The following ASAP1 variants were observed in gnomAD, a reference collection of about 807,000 sequenced individuals.
ASAP1 encodes the protein ArfGAP with SH3 domain, ankyrin repeat and PH domain 1, also known as arf-GAP with SH3 domain, ANK repeat and PH domain-containing protein 1.
A neutral mutation model predicts 145.2 loss-of-function variants in ASAP1; 43 were observed. The ratio of observed to expected loss-of-function variants is 0.30; its 90% confidence interval spans 0.23 to 0.38. ASAP1 has a LOEUF of 0.38. ASAP1 is among the 10% of genes least tolerant of loss of function. ASAP1 has a pLI of 1.00. For synonymous variants in ASAP1, 546 were observed against 515.5 expected (o/e 1.06, Z -0.80); for missense variants, 1,018 against 1,355.3 (o/e 0.75, Z 3.91).
At chr8:130,061,271 T>A (rs1033588571) in intron 27 of ASAP1, among the ~76,000 whole-genome samples, 1 of 152,180 alleles carries the variant, frequency 6.6e-6, no homozygotes, top group Non-Finnish European at 1.5e-5. Flanking sequence ...TTCATGATTT[T>A]ATGCTTCAAT....
rs555357221 is a variant in ASAP1, at chr8:130,188,011, A to G, written c.480+98T>C. 1.4e-4 allele frequency: 121 copies of G among 861,370 alleles called. No individual in the cohort carries two copies. In the African/African-American group the frequency reaches 1.9e-3, roughly 14 times the overall value. 53.4% of individuals were successfully genotyped at this position (861,370 alleles called of 1,614,324 possible). ...CATTTTTAACGCTGAAAATGTTCAA[A>G]GAGTCTTTCAAATACAAGTACTACT... is the stretch of plus-strand genomic sequence containing the variant. On this transcript the variant is annotated intron_variant, in intron 6 of 29. Coordinates refer to ENST00000518721, the MANE Select transcript of ASAP1 (RefSeq NM_018482.4).
At chr8:130,251,174 C>A (rs1456041066) in intron 3 of ASAP1, among the ~76,000 whole-genome samples, 1 of 152,146 alleles carries the variant, frequency 6.6e-6, no homozygotes, top group Non-Finnish European at 1.5e-5. Context: ...TCTCAGCTCT[C>A]TGGGAGGCTG....
At chr8:130,200,746 G>A (rs753819701) in intron 5 of ASAP1, among the ~76,000 whole-genome samples, 8 of 152,094 alleles carry the variant, frequency 5.3e-5, no homozygotes, top group African/African-American at 1.7e-4. Flanking sequence ...ATTTTTGTAC[G>A]TACAAAGTTA....
rs1269001624 is a variant in ASAP1 at position 130,363,198 on chromosome 8, T to C, written c.60-5055A>G. 2.0e-5 allele frequency among the ~76,000 whole-genome samples: 3 copies of C among 152,320 alleles called. No homozygotes were observed. The East Asian group carries it at 5.8e-4, about 29-fold the overall frequency. On this transcript the variant is annotated intron_variant, in intron 2 of 29. Coordinates refer to ENST00000518721, the MANE Select transcript of ASAP1 (RefSeq NM_018482.4). ...GTAGACAATTATTTTTCCGATATTA[T>C]GGGAACTTTGAAAACCTTATCTGGA...
intron 3 of ASAP1, among the ~76,000 whole-genome samples, chr8:130,354,112 G>T (rs943501969): frequency 6.6e-6 from 1 of 152,020 alleles, no homozygotes; most frequent in Non-Finnish European, 1.5e-5. Context: ...GGATGGTCTC[G>T]ATCTCCTGGC....
chr8:130,374,926 G>C (rs1180090304), intron 2 of ASAP1, among the ~76,000 whole-genome samples: 2 of 152,204 alleles, frequency 1.3e-5, no homozygotes, highest in African/African-American at 4.8e-5. Flanking sequence ...GGTAACATGT[G>C]AAAGAGGATT....
At chr8:130,321,399 A>C (rs1823994981) in intron 3 of ASAP1, among the ~76,000 whole-genome samples, 1 of 152,104 alleles carries the variant, frequency 6.6e-6, no homozygotes, top group Non-Finnish European at 1.5e-5. Context: ...AGAAGCAGGC[A>C]TGTGAGGGTC....
intron 3 of ASAP1, among the ~76,000 whole-genome samples, chr8:130,334,896 C>A (rs1420948351): frequency 6.6e-6 from 1 of 152,142 alleles, no homozygotes; most frequent in Non-Finnish European, 1.5e-5. Context: ...CATAAATAAA[C>A]CCTCCCTTTA....
chr8:130,355,636 T>C (rs1826259593), intron 3 of ASAP1, among the ~76,000 whole-genome samples: 1 of 152,192 alleles, frequency 6.6e-6, no homozygotes, highest in Non-Finnish European at 1.5e-5. Context: ...TTATATTGAG[T>C]GTGGTAATGT....
chr8:130,081,147 T>C (rs976665631), intron 25 of ASAP1, among the ~76,000 whole-genome samples: 1 of 151,560 alleles, frequency 6.6e-6, no homozygotes, highest in Admixed American at 6.6e-5. Context: ...CTGGCAGGAG[T>C]GGGGAAGAGG....
intron 18 of ASAP1, among the ~76,000 whole-genome samples, chr8:130,121,586 A>T (rs1030546272): frequency 3.3e-5 from 5 of 152,064 alleles, no homozygotes; most frequent in African/African-American, 1.2e-4. Flanking sequence ...GTTTGAGACC[A>T]GCCTGATCAA....
chr8:130,186,522 A>C (rs1460271144), intron 7 of ASAP1, among the ~76,000 whole-genome samples: 1 of 152,054 alleles, frequency 6.6e-6, no homozygotes, highest in Admixed American at 6.6e-5. Context: ...AATAATAATA[A>C]AGGAATGTGG....
At chr8:130,262,855 G>A (rs543129654) in intron 3 of ASAP1, among the ~76,000 whole-genome samples, 23 of 152,174 alleles carry the variant, frequency 1.5e-4, no homozygotes, top group South Asian at 4.2e-4. Flanking sequence ...CTTGAATGAC[G>A]CGCTAATGAA....
chr8:130,261,180 C>G (rs2136970836), intron 3 of ASAP1, among the ~76,000 whole-genome samples: 1 of 152,344 alleles, frequency 6.6e-6, no homozygotes, highest in Admixed American at 6.5e-5. Context: ...GATCCCACTA[C>G]TCTGAAAGTG....
chr8:130,280,117 G>C (rs1299638543), intron 3 of ASAP1, among the ~76,000 whole-genome samples: 1 of 152,210 alleles, frequency 6.6e-6, no homozygotes, highest in Non-Finnish European at 1.5e-5. Context: ...CCATGGTTCA[G>C]AGGGATCAAG....
chr8:130,095,651 C>T (rs1197374735), intron 24 of ASAP1, among the ~76,000 whole-genome samples: 5 of 150,010 alleles, frequency 3.3e-5, no homozygotes, highest in African/African-American at 1.2e-4. Context: ...CAGAGCTTTA[C>T]TCTGTCACCC....
At chr8:130,271,055 C>G (rs1458787717) in intron 3 of ASAP1, among the ~76,000 whole-genome samples, 1 of 152,220 alleles carries the variant, frequency 6.6e-6, no homozygotes, top group African/African-American at 2.4e-5. Context: ...TCCTGGTCCC[C>G]AAGGATGGCC....
intron 5 of ASAP1, among the ~76,000 whole-genome samples, chr8:130,200,265 T>G (rs1181681415): frequency 6.6e-6 from 1 of 151,936 alleles, no homozygotes; most frequent in Non-Finnish European, 1.5e-5. Context: ...AAACAGGAAG[T>G]TGGGTAAATA....
At chr8:130,065,876 G>C (rs1467037505) in intron 27 of ASAP1, among the ~76,000 whole-genome samples, 2 of 152,156 alleles carry the variant, frequency 1.3e-5, no homozygotes, top group Non-Finnish European at 2.9e-5. Context: ...ACCGCTATTG[G>C]ACCTTAGGAT....
Sources: allele counts gnomAD v4.1 joint callset (sites outside exome capture counted in the v4.1 genomes callset), GRCh38; gene constraint gnomAD v4.1.1; transcripts MANE v1.5; gene names NCBI Gene and HGNC (gene_info 2026-07-23, HGNC 2026-07-21).